The following LMBR1 variants were observed in gnomAD, a reference collection of about 807,000 sequenced individuals.
LMBR1 encodes the protein limb development membrane protein 1.
Under a neutral mutation model 73.9 loss-of-function variants are expected in LMBR1, and 52 were observed. That is an observed-to-expected ratio of 0.70 (90% CI 0.56 to 0.89). The LOEUF (loss-of-function observed/expected upper bound fraction) is 0.89, where lower values mean the gene tolerates loss of function less well. Among genes scored for constraint, LMBR1 ranks in the 40% least tolerant of loss-of-function variants. The pLI is 0.00. For missense variants in LMBR1, 539 were observed against 579.8 expected, an observed-to-expected ratio of 0.93 and a Z score of 0.72; for synonymous variants, 215 against 209.4, an observed-to-expected ratio of 1.03 and a Z score of -0.23.
chr7:156,703,154 T>A (rs956517582), intron 15 of LMBR1, among the ~76,000 whole-genome samples: 1 of 152,234 alleles, frequency 6.6e-6, no homozygotes, highest in Non-Finnish European at 1.5e-5. Context: ...GTGTGTCCTA[T>A]GTGCTCTCTC....
At chr7:156,873,092 A>G (rs1444502572) in intron 1 of LMBR1, among the ~76,000 whole-genome samples, 1 of 151,940 alleles carries the variant, frequency 6.6e-6, no homozygotes, top group Non-Finnish European at 1.5e-5. Flanking sequence ...TCTTGGTCTC[A>G]CTGACTTCAA....
At chr7:156,777,971 T>C (rs1410682854) in intron 5 of LMBR1, among the ~76,000 whole-genome samples, 1 of 152,216 alleles carries the variant, frequency 6.6e-6, no homozygotes, top group Non-Finnish European at 1.5e-5. Flanking sequence ...CTGATTCTAC[T>C]GTGTAATTAC....
At chr7:156,785,172 G>A (rs1333000484) in intron 5 of LMBR1, among the ~76,000 whole-genome samples, 1 of 152,142 alleles carries the variant, frequency 6.6e-6, no homozygotes, top group East Asian at 1.9e-4. Flanking sequence ...AGCTACTTGG[G>A]AGGCTGAGGC....
intron 16 of LMBR1, among the ~76,000 whole-genome samples, chr7:156,684,854 G>A (rs1398386673): frequency 6.6e-6 from 1 of 152,156 alleles, no homozygotes; most frequent in Admixed American, 6.5e-5. Context: ...CACTCTGGGA[G>A]GCTGAGGTGG....
At chr7:156,676,313 T>C (rs1256800052), downstream of LMBR1, 6 of 1,611,152 alleles carry the variant, frequency 3.7e-6, no homozygotes, top group African/African-American at 1.3e-5. Flanking sequence ...TTCCGCATGT[T>C]TCGAAGACCC....
intron 13 of LMBR1, 87 bp downstream of exon 13, chr7:156,725,677 A>G: frequency 7.5e-7 from 1 of 1,333,092 alleles, no homozygotes; most frequent in Non-Finnish European, 1.1e-6. Context: ...TCTCTTCTAG[A>G]CAAGTGTCTT....
intron 5 of LMBR1, among the ~76,000 whole-genome samples, chr7:156,767,762 CAG>C (rs1405838089): frequency 4.0e-5 from 6 of 151,522 alleles, no homozygotes; most frequent in Non-Finnish European, 8.8e-5. Flanking sequence ...AATACGAAAA[CAG>C]GAAATGATAA....
intron 9 of LMBR1, among the ~76,000 whole-genome samples, chr7:156,746,287 TTTA>T (rs1389182443): frequency 2.0e-5 from 3 of 152,184 alleles, no homozygotes; most frequent in African/African-American, 7.2e-5. Flanking sequence ...CATGCAAAGA[TTTA>T]TTATTCTGGT....
At chr7:156,684,998 C>A (rs1335946926) in intron 16 of LMBR1, among the ~76,000 whole-genome samples, 2 of 152,048 alleles carry the variant, frequency 1.3e-5, no homozygotes, top group African/African-American at 4.8e-5. Flanking sequence ...CCCTTACACA[C>A]ATGCAGGAAA....
chr7:156,807,164 G>A lies in LMBR1; in HGVS notation c.320-10672C>T, dbSNP rs73501779. The stretch of plus-strand genomic sequence containing the variant: ...ATTTAGAACTTAAGCATCTATGTTC[G>A]TGACACTGGCCTGTCATGAAACTTT... On this transcript the variant is annotated intron_variant, in intron 4 of 16. Transcript: ENST00000353442. Among the ~76,000 whole-genome samples, 802 of 152,120 alleles carry A rather than the reference G, an allele frequency of 5.3e-3. 10 individuals carry two copies. Among genetic ancestry groups the A allele is most frequent in the African/African-American group, 0.019 (771 of 41,478 alleles).
intron 1 of LMBR1, among the ~76,000 whole-genome samples, chr7:156,871,454 T>C (rs1419017082): frequency 1.3e-5 from 2 of 152,198 alleles, no homozygotes; most frequent in Non-Finnish European, 2.9e-5. Flanking sequence ...AAAGCCAGCA[T>C]TTCCCTGATA....
chr7:156,724,006 CA>C, intron 15 of LMBR1, 105 bp downstream of exon 15: 2 of 747,512 alleles, frequency 2.7e-6, no homozygotes. Context: ...TAGGAAGAAA[CA>C]CTGTATTTCA....
At chr7:156,727,399 C>T (rs1815980710) in intron 12 of LMBR1, among the ~76,000 whole-genome samples, 1 of 152,024 alleles carries the variant, frequency 6.6e-6, no homozygotes, top group Non-Finnish European at 1.5e-5. Context: ...ACTAGGAAGT[C>T]AGTATAGTAA....
At chr7:156,825,249 T>C (rs1006143672) in intron 4 of LMBR1, among the ~76,000 whole-genome samples, 15 of 152,122 alleles carry the variant, frequency 9.9e-5, no homozygotes, top group Admixed American at 9.8e-4. Context: ...GATGAAGAAA[T>C]TGAAATACAT....
At chr7:156,713,137 C>G (rs1812433043) in intron 15 of LMBR1, among the ~76,000 whole-genome samples, 1 of 152,098 alleles carries the variant, frequency 6.6e-6, no homozygotes, top group African/African-American at 2.4e-5. Flanking sequence ...AGAAACCTAT[C>G]TGAAAAGGTT....
At chr7:156,672,236 G>A (rs1327491072) in intron 4 of LMBR1, among the ~76,000 whole-genome samples, 4 of 152,182 alleles carry the variant, frequency 2.6e-5, no homozygotes, top group Non-Finnish European at 2.9e-5. Flanking sequence ...TTCAACAAGT[G>A]CCTACTATGG....
chr7:156,795,246 G>C (rs1312398060), intron 5 of LMBR1, among the ~76,000 whole-genome samples: 1 of 152,136 alleles, frequency 6.6e-6, no homozygotes, highest in Admixed American at 6.5e-5. Flanking sequence ...GGAAAATCAA[G>C]ATATCCTTTC....
chr7:156,833,828 C>A, intron 2 of LMBR1, 36 bp from the exon 3 acceptor site: 1 of 1,341,512 alleles, frequency 7.5e-7, no homozygotes, highest in South Asian at 1.3e-5. Context: ...ATTCCTTTAT[C>A]TTCTAACAAA....
chr7:156,862,896 T>C (rs1167538649), intron 1 of LMBR1, among the ~76,000 whole-genome samples: 1 of 152,202 alleles, frequency 6.6e-6, no homozygotes, highest in Non-Finnish European at 1.5e-5. Context: ...CTTGAGACTG[T>C]TGGACTAGGA....
Sources: allele counts gnomAD v4.1 joint callset (sites outside exome capture counted in the v4.1 genomes callset), GRCh38; gene constraint gnomAD v4.1.1; transcripts MANE v1.5; gene names NCBI Gene and HGNC (gene_info 2026-07-23, HGNC 2026-07-21).